The following COL5A2 variants were observed in gnomAD, a reference collection of about 807,000 sequenced individuals.
COL5A2 encodes collagen type V alpha 2 chain, also known as collagen alpha-2(V) chain.
COL5A2 carries 23 observed loss-of-function variants against 208.2 expected under a neutral mutation model. The ratio of observed to expected loss-of-function variants is 0.11; its 90% confidence interval spans 0.08 to 0.16. COL5A2 has a LOEUF of 0.16. Ranked by LOEUF, COL5A2 falls within the 10% of genes least tolerant of loss-of-function variation. COL5A2 has a pLI of 1.00. For missense variants in COL5A2, 1,590 were observed against 1,956.4 expected (o/e 0.81, Z 3.53); for synonymous variants, 625 against 628.5 (o/e 0.99, Z 0.08).
the COL5A2 span, among the ~76,000 whole-genome samples, chr2:189,405,122 T>C: frequency 6.6e-6 from 1 of 152,288 alleles, no homozygotes; most frequent in African/African-American, 2.4e-5. Context: ...GCATTAACCA[T>C]TATTATCAAT....
chr2:189,265,277 A>C, the COL5A2 span, among the ~76,000 whole-genome samples: 1 of 152,168 alleles, frequency 6.6e-6, no homozygotes, highest in Non-Finnish European at 1.5e-5. Context: ...CCTTACAACA[A>C]CAGATATTTA....
At chr2:189,109,513 C>T (rs1422516861) in intron 2 of COL5A2, among the ~76,000 whole-genome samples, 1 of 152,066 alleles carries the variant, frequency 6.6e-6, no homozygotes, top group Non-Finnish European at 1.5e-5. Flanking sequence ...TTAGAAGTCT[C>T]ATGACTGCTA....
chr2:189,220,903 A>T (rs1350182717), intron 1 of COL5A2, among the ~76,000 whole-genome samples: 2 of 152,120 alleles, frequency 1.3e-5, no homozygotes, highest in Non-Finnish European at 2.9e-5. Context: ...TTTTAGTTTC[A>T]GTGCTTATCT....
the COL5A2 span, among the ~76,000 whole-genome samples, chr2:189,369,160 C>T: frequency 1.3e-5 from 2 of 152,084 alleles, no homozygotes; most frequent in African/African-American, 2.4e-5. Flanking sequence ...AAGAAAGTTA[C>T]TGTGACTTAC....
chr2:189,369,898 T>C, the COL5A2 span, among the ~76,000 whole-genome samples: 1 of 152,328 alleles, frequency 6.6e-6, no homozygotes, highest in South Asian at 2.1e-4. Context: ...TCCTCATGTA[T>C]TGATTAAAGA....
intron 1 of COL5A2, among the ~76,000 whole-genome samples, chr2:189,213,483 A>G (rs978466057): frequency 1.3e-5 from 2 of 152,308 alleles, no homozygotes; most frequent in South Asian, 2.1e-4. Context: ...TGATCTTGCC[A>G]TATGATTGAA....
chr2:189,175,544 CT>C lies in COL5A2; in HGVS notation c.97+3963del, dbSNP rs35381713. Among the ~76,000 whole-genome samples, 313 of 125,346 alleles carry C rather than the reference CT, an allele frequency of 2.5e-3. 1 individual carries two copies. Among genetic ancestry groups the C allele is most frequent in the Admixed American group, 6.6e-3 (81 of 12,272 alleles). 82.2% of individuals were successfully genotyped at this position (125,346 alleles called of 152,430 possible). A position where few individuals can be genotyped will look rare whatever the true frequency, so the allele number is the denominator to read the frequency against. Reference sequence around the variant, plus strand: ...ATTTCTTTATATTTAAAAAAGAAAACTTTTTTTTTTTTTTTTTTAGACAGAG... The same window carrying C: ...ATTTCTTTATATTTAAAAAAGAAAACTTTTTTTTTTTTTTTTTAGACAGAG... On this transcript the variant is annotated intron_variant, in intron 1 of 53. Transcript: ENST00000374866.
At chr2:189,337,721 T>G in the COL5A2 span, among the ~76,000 whole-genome samples, 1 of 151,756 alleles carries the variant, frequency 6.6e-6, no homozygotes, top group African/African-American at 2.4e-5. Context: ...AACTTGATGA[T>G]CCAAGATCAT....
chr2:189,034,990 C>T lies in COL5A2; in HGVS notation c.4279G>A (p.Gly1427Arg). 1 of 1,613,892 alleles carries T rather than the reference C, an allele frequency of 6.2e-7. No homozygotes were observed. The highest frequency in any genetic ancestry group is 1.3e-5 in the African/African-American group (1 of 75,020). The change falls in exon 53 of 54, where the codon GGG becomes AGG. Residue 1427 changes from glycine to arginine, a missense_variant. Physicochemically the swap from Gly to Arg is moderately radical, Grantham distance 125. Transcript: ENST00000374866. ...GCTTTGATATCTAAGTCATTTGCCC[C>T]TTTGAGAACCACAGCTTTTTTGAGG... Reference protein sequence around the residue: ...KNLKKAVVLKGANDLDIKAEG... With the variant: ...KNLKKAVVLKRANDLDIKAEG...
the COL5A2 span, among the ~76,000 whole-genome samples, chr2:189,402,469 T>G: frequency 6.6e-6 from 1 of 152,242 alleles, no homozygotes; most frequent in Non-Finnish European, 1.5e-5. Flanking sequence ...TCCATCCGCC[T>G]CAGCCCCCAA....
chr2:189,095,774 T>G (rs948965569), intron 6 of COL5A2: 1 of 151,840 alleles, frequency 6.6e-6, no homozygotes, highest in African/African-American at 2.4e-5. Context: ...TTTTTTTTTC[T>G]GTCACGACCA....
the COL5A2 span, among the ~76,000 whole-genome samples, chr2:189,408,194 A>C: frequency 2.6e-5 from 4 of 152,204 alleles, no homozygotes; most frequent in Admixed American, 2.6e-4. Flanking sequence ...AAGTAAGTGA[A>C]GGATAATCCT....
chr2:189,250,534 T>C, the COL5A2 span, among the ~76,000 whole-genome samples: 1 of 152,188 alleles, frequency 6.6e-6, no homozygotes, highest in Non-Finnish European at 1.5e-5. Context: ...ATTACTGATA[T>C]TATTTTCTGC....
At position 189,068,806 on chromosome 2, in the gene COL5A2, C is replaced by G. The variant is rs771731126; in HGVS notation, c.1237G>C (p.Val413Leu). Residue 413 changes from valine to leucine, a missense_variant, in exon 19 of 54, where the codon GTT becomes CTT. Physicochemically the swap from Val to Leu is conservative, Grantham distance 32 (BLOSUM62 1). Transcript: ENST00000374866. ...QRGETGPPGP[V>L]GSPGLPGAIG... ...CTTACAGGAAGACCTGGAGAGCCAA[C>G]TGGACCTGGGGGCCCAGTTTCACCT... 5.6e-6 allele frequency: 9 copies of G among 1,613,274 alleles called. No individual in the cohort carries two copies. Among genetic ancestry groups the G allele is most frequent in the Middle Eastern group, 1.8e-4 (1 of 5,710 alleles).
chr2:189,316,835 G>A, the COL5A2 span, among the ~76,000 whole-genome samples: 1 of 149,902 alleles, frequency 6.7e-6, no homozygotes. Context: ...ACCACAACAG[G>A]GTGATTATGG....
At chr2:189,104,881 T>A (rs545322376) in intron 2 of COL5A2, among the ~76,000 whole-genome samples, 94 of 151,962 alleles carry the variant, frequency 6.2e-4, no homozygotes, top group African/African-American at 2.2e-3. Flanking sequence ...ATCTTACAGA[T>A]CTTTGCTCAT....
At chr2:189,061,687 T>C (rs1686036317) in intron 29 of COL5A2, 72 bp from the exon 30 acceptor site, 3 of 1,070,270 alleles carry the variant, frequency 2.8e-6, no homozygotes, top group Non-Finnish European at 4.4e-6. Context: ...CGTGAACCAC[T>C]AGAAGTACTG....
At chr2:189,397,657 T>C in the COL5A2 span, among the ~76,000 whole-genome samples, 2 of 152,034 alleles carry the variant, frequency 1.3e-5, no homozygotes, top group African/African-American at 4.8e-5. Context: ...TGTGATGATG[T>C]CTCCTTTTTC....
chr2:189,349,435 T>G, the COL5A2 span, among the ~76,000 whole-genome samples: 1 of 152,100 alleles, frequency 6.6e-6, no homozygotes, highest in Non-Finnish European at 1.5e-5. Flanking sequence ...AAAAGAACCA[T>G]AAAAACAGGA....
Sources: allele counts gnomAD v4.1 joint callset (sites outside exome capture counted in the v4.1 genomes callset), GRCh38; gene constraint gnomAD v4.1.1; transcripts MANE v1.5; gene names NCBI Gene and HGNC (gene_info 2026-07-23, HGNC 2026-07-21).